Variants in MAPK8 observed in about 807,000 individuals in gnomAD.
MAPK8 encodes mitogen-activated protein kinase 8, also known as JUN N-terminal kinase.
A neutral mutation model predicts 52.9 loss-of-function variants in MAPK8; 13 were observed. The observed-to-expected ratio is 0.25, with a 90% confidence interval of 0.16 to 0.39. MAPK8 has a LOEUF of 0.39. Ranked by LOEUF, MAPK8 falls within the 10% of genes least tolerant of loss-of-function variation. The probability of loss-of-function intolerance (pLI) is 1.00; values close to 1 mark genes in which losing one functional copy is unlikely to be tolerated. For missense variants in MAPK8, 300 were observed against 519.2 expected (o/e 0.58, Z 4.10); for synonymous variants, 191 against 169.8 (o/e 1.12, Z -0.97).
chr10:48,362,964 C>T (rs1331331615), intron 1 of MAPK8, among the ~76,000 whole-genome samples: 1 of 152,104 alleles, frequency 6.6e-6, no homozygotes, highest in Non-Finnish European at 1.5e-5. Flanking sequence ...TGGTCTCGAA[C>T]TCCTGACTTC....
At chr10:48,428,835 T>G (rs1463429259) in intron 10 of MAPK8, among the ~76,000 whole-genome samples, 5 of 152,190 alleles carry the variant, frequency 3.3e-5, no homozygotes, top group Non-Finnish European at 7.3e-5. Flanking sequence ...TTGTTTGTTT[T>G]TTTGAGACAG....
At chr10:48,388,345 C>G (rs1198337258) in intron 1 of MAPK8, among the ~76,000 whole-genome samples, 3 of 152,072 alleles carry the variant, frequency 2.0e-5, no homozygotes, top group African/African-American at 7.2e-5. Context: ...CATTATTTCC[C>G]TTTTCTTTTG....
chr10:48,431,309 C>A, intron 11 of MAPK8, 39 bp downstream of exon 11: 1 of 1,394,940 alleles, frequency 7.2e-7, no homozygotes, highest in Non-Finnish European at 1.0e-6. Flanking sequence ...TTACAGTTTA[C>A]TTCTTGTGTT....
intron 1 of MAPK8, among the ~76,000 whole-genome samples, chr10:48,399,233 G>C (rs978195746): frequency 1.3e-5 from 2 of 152,166 alleles, no homozygotes; most frequent in East Asian, 3.9e-4. Context: ...TTCTGTCCTA[G>C]CTGCAACACT....
intron 1 of MAPK8, among the ~76,000 whole-genome samples, chr10:48,348,950 C>CAAAA (rs57696845): frequency 7.6e-6 from 1 of 132,390 alleles, no homozygotes. Flanking sequence ...AAATGGAAAG[C>CAAAA]AAAAAAAAAA....
chr10:48,345,357 G>A (rs755581245), intron 1 of MAPK8, among the ~76,000 whole-genome samples: 1 of 152,058 alleles, frequency 6.6e-6, no homozygotes, highest in Admixed American at 6.6e-5. Context: ...TACAGTTCTC[G>A]GGTTCTTTGA....
At chr10:48,338,441 G>GT (rs1844910295) in intron 1 of MAPK8, among the ~76,000 whole-genome samples, 1 of 152,042 alleles carries the variant, frequency 6.6e-6, no homozygotes, top group Non-Finnish European at 1.5e-5. Flanking sequence ...AAAATAGTAA[G>GT]AGTCATTTAT....
intron 1 of MAPK8, among the ~76,000 whole-genome samples, chr10:48,373,171 C>T (rs2040429270): frequency 6.6e-6 from 1 of 152,072 alleles, no homozygotes; most frequent in Admixed American, 6.6e-5. Context: ...AAATCCTTTA[C>T]AGACAAGCAA....
At chr10:48,424,706 A>G in intron 7 of MAPK8, 2 of 526,252 alleles carry the variant, frequency 3.8e-6, no homozygotes. Flanking sequence ...TACTCTTAAA[A>G]TACCACCTAC....
intron 10 of MAPK8, chr10:48,430,829 C>A: frequency 8.4e-6 from 2 of 237,126 alleles, no homozygotes; most frequent in African/African-American, 2.3e-5. Flanking sequence ...CAGTAAGACA[C>A]GTGGTTCAAG....
intron 1 of MAPK8, among the ~76,000 whole-genome samples, chr10:48,319,608 G>T (rs1014946764): frequency 1.3e-5 from 2 of 152,024 alleles, no homozygotes; most frequent in African/African-American, 4.8e-5. Context: ...TCCTGCCTCA[G>T]CCTCCCGAGT....
At chr10:48,412,814 T>C (rs2042830936) in intron 5 of MAPK8, among the ~76,000 whole-genome samples, 1 of 152,224 alleles carries the variant, frequency 6.6e-6, no homozygotes, top group African/African-American at 2.4e-5. Context: ...AAATGTGCCA[T>C]TTTAACCATT....
intron 1 of MAPK8, among the ~76,000 whole-genome samples, chr10:48,334,238 C>G (rs1479411389): frequency 1.3e-5 from 2 of 152,162 alleles, no homozygotes; most frequent in Non-Finnish European, 2.9e-5. Flanking sequence ...TTCCTTTGTC[C>G]CCTAAGCCTA....
intron 6 of MAPK8, among the ~76,000 whole-genome samples, chr10:48,421,550 A>T (rs2043354770): frequency 6.6e-6 from 1 of 152,164 alleles, no homozygotes; most frequent in Admixed American, 6.5e-5. Context: ...TACACCTGTA[A>T]TCCCAGCACT....
chr10:48,327,043 C>G (rs1016689619), intron 1 of MAPK8, among the ~76,000 whole-genome samples: 3 of 152,178 alleles, frequency 2.0e-5, no homozygotes, highest in African/African-American at 7.2e-5. Flanking sequence ...TTCCCCCCTC[C>G]GTCTGCATGC....
chr10:48,386,164 T>C (rs1434953832), intron 1 of MAPK8, among the ~76,000 whole-genome samples: 1 of 152,156 alleles, frequency 6.6e-6, no homozygotes, highest in Non-Finnish European at 1.5e-5. Context: ...CCTGGGAGTC[T>C]TATTAGTGAA....
At chr10:48,401,521 T>C in intron 1 of MAPK8, 91 bp from the exon 2 acceptor site, 1 of 733,428 alleles carries the variant, frequency 1.4e-6, no homozygotes, top group Non-Finnish European at 2.2e-6. Context: ...TAGCAGTCTG[T>C]GTTACTATCA....
intron 1 of MAPK8, among the ~76,000 whole-genome samples, chr10:48,399,563 A>G (rs982352455): frequency 3.3e-5 from 5 of 152,196 alleles, no homozygotes; most frequent in African/African-American, 1.2e-4. Flanking sequence ...CTGAGAACAG[A>G]AAGGAGCTTT....
chr10:48,432,213 A>G (rs1245913232), intron 11 of MAPK8, among the ~76,000 whole-genome samples: 1 of 152,202 alleles, frequency 6.6e-6, no homozygotes, highest in Non-Finnish European at 1.5e-5. Context: ...ATGCCATTTT[A>G]ATTCCTCAGA....
Sources: allele counts gnomAD v4.1 joint callset (sites outside exome capture counted in the v4.1 genomes callset), GRCh38; gene constraint gnomAD v4.1.1; transcripts MANE v1.5; gene names NCBI Gene and HGNC (gene_info 2026-07-23, HGNC 2026-07-21).